The following DNM3 variants were observed in gnomAD, a reference collection of about 807,000 sequenced individuals.
DNM3 encodes the protein dynamin 3.
DNM3 carries 47 observed loss-of-function variants against 101.6 expected under a neutral mutation model. That is an observed-to-expected ratio of 0.46 (90% CI 0.37 to 0.59). The LOEUF is 0.59. Ranked by LOEUF, DNM3 falls within the 20% of genes least tolerant of loss-of-function variation. The pLI, the probability that DNM3 is intolerant of heterozygous loss-of-function variation, is 0.00. For synonymous variants in DNM3, 385 were observed against 387.9 expected (o/e 0.99, Z 0.09); for missense variants, 849 against 1,085.7 (o/e 0.78, Z 3.06).
At chr1:171,967,059 A>G (rs920824710) in intron 2 of DNM3, among the ~76,000 whole-genome samples, 1 of 151,864 alleles carries the variant, frequency 6.6e-6, no homozygotes. Flanking sequence ...TGAGCCCTGA[A>G]CCCTAGACCT....
At chr1:172,295,872 A>G (rs2586407) in intron 15 of DNM3, among the ~76,000 whole-genome samples, 42,701 of 152,050 alleles carry the variant, frequency 0.28, 6,104 homozygotes, top group East Asian at 0.31. Context: ...AAATGTAAAA[A>G]TAAAAGAAGA....
At chr1:172,093,779 G>A in intron 13 of DNM3, 1 of 1,560,492 alleles carries the variant, frequency 6.4e-7, no homozygotes, top group Non-Finnish European at 8.7e-7. Context: ...AGCTTCCCAA[G>A]GGCACAGTTT....
chr1:171,950,698 A>G (rs2042464400), intron 2 of DNM3, among the ~76,000 whole-genome samples: 2 of 152,186 alleles, frequency 1.3e-5, no homozygotes, highest in South Asian at 4.1e-4. Flanking sequence ...GTGAGGAAGA[A>G]GGAATTACCA....
intron 1 of DNM3, among the ~76,000 whole-genome samples, chr1:171,847,115 T>C (rs1333351753): frequency 6.6e-6 from 1 of 152,130 alleles, no homozygotes; most frequent in East Asian, 1.9e-4. Flanking sequence ...TGGGTAAGAA[T>C]ATACAAGAAA....
chr1:172,415,532 T>TG (rs754612515), downstream of DNM3, among the ~76,000 whole-genome samples: 1 of 110,826 alleles, frequency 9.0e-6, no homozygotes, highest in Admixed American at 9.3e-5. Context: ...GAGTTTTTTT[T>TG]TTTTTTTTTT....
At chr1:172,264,848 A>G (rs1385320709) in intron 15 of DNM3, among the ~76,000 whole-genome samples, 1 of 152,208 alleles carries the variant, frequency 6.6e-6, no homozygotes, top group Non-Finnish European at 1.5e-5. Context: ...CCAGAACTAC[A>G]ACCCAGGTCT....
intron 14 of DNM3, among the ~76,000 whole-genome samples, chr1:172,146,103 C>G (rs1361433118): frequency 1.3e-5 from 2 of 152,150 alleles, no homozygotes; most frequent in African/African-American, 4.8e-5. Context: ...TTTGACCAAC[C>G]AGACTAAGAA....
intron 15 of DNM3, among the ~76,000 whole-genome samples, chr1:172,280,349 G>C (rs2063443671): frequency 6.6e-6 from 1 of 151,978 alleles, no homozygotes; most frequent in South Asian, 2.1e-4. Flanking sequence ...CTCCATTTTA[G>C]TATAAGTTCA....
intron 2 of DNM3, among the ~76,000 whole-genome samples, chr1:171,957,687 G>A (rs1296247240): frequency 1.3e-5 from 2 of 152,106 alleles, no homozygotes; most frequent in Non-Finnish European, 2.9e-5. Flanking sequence ...AGATCTGTAG[G>A]ACAGGGACAA....
rs76206134 is a variant in DNM3 at position 171,960,147 on chromosome 1, A to G, written c.236-27509A>G. ...TAAAATGAGAAAAATTTGGACACAGACACACTGAGAGAACACAATGTGATA... is the reference window on the plus strand; with the variant it reads ...TAAAATGAGAAAAATTTGGACACAGGCACACTGAGAGAACACAATGTGATA... On this transcript the variant is annotated intron_variant, in intron 2 of 20. Transcript: ENST00000627582. Among the ~76,000 whole-genome samples, 1,436 of 152,256 alleles carry G rather than the reference A, an allele frequency of 9.4e-3. 21 individuals carry two copies. The highest frequency in any genetic ancestry group is 0.032 in the African/African-American group (1,337 of 41,546).
At chr1:172,336,042 T>C (rs915914276) in intron 17 of DNM3, among the ~76,000 whole-genome samples, 1 of 152,118 alleles carries the variant, frequency 6.6e-6, no homozygotes, top group African/African-American at 2.4e-5. Flanking sequence ...AATTTAGCAA[T>C]GTCTAAAGAC....
intron 15 of DNM3, among the ~76,000 whole-genome samples, chr1:172,259,821 CT>C (rs2062567848): frequency 6.6e-6 from 1 of 151,586 alleles, no homozygotes; most frequent in African/African-American, 2.4e-5. Flanking sequence ...TTTTTCCTTT[CT>C]TTTTCTCTCA....
intron 14 of DNM3, among the ~76,000 whole-genome samples, chr1:172,142,736 T>TA (rs201730089): frequency 0.01 from 1,149 of 114,740 alleles, 13 homozygotes; most frequent in South Asian, 0.05. Context: ...ATTTCTAGAG[T>TA]AAAAAAAAAA....
At chr1:171,944,061 A>G (rs2041990028) in intron 2 of DNM3, among the ~76,000 whole-genome samples, 1 of 152,202 alleles carries the variant, frequency 6.6e-6, no homozygotes, top group Non-Finnish European at 1.5e-5. Flanking sequence ...TGCAGGACAT[A>G]GTGTCTCTGT....
intron 1 of DNM3, among the ~76,000 whole-genome samples, chr1:171,852,641 A>G (rs562021749): frequency 1.1e-4 from 17 of 152,198 alleles, no homozygotes; most frequent in Non-Finnish European, 2.1e-4. Context: ...AAAGGATTAG[A>G]CTGACTCAGT....
rs2149131287 is a variant in DNM3 at position 172,408,316 on chromosome 1, AGCTCCTCT to A, written c.*476_*483del. 1.0e-6 allele frequency: 1 copy of A among 986,530 alleles called. No homozygotes were observed. The highest frequency in any genetic ancestry group is 4.7e-5 in the South Asian group (1 of 21,368). The allele number at this position is 986,530 out of a possible 1,614,324, so 61.1% of individuals were successfully genotyped here. On this transcript the variant is annotated 3_prime_UTR_variant, in exon 21 of 21. Coordinates refer to ENST00000627582, the MANE Select transcript of DNM3 (RefSeq NM_015569.5). ...CTACCTACTCCATAATTGCCTATTT[AGCTCCTCT>A]TTTCTTCCTTTTTATTTCATAAGAC...
chr1:172,023,010 ATC>A (rs995738680), intron 4 of DNM3, among the ~76,000 whole-genome samples: 4 of 152,106 alleles, frequency 2.6e-5, no homozygotes, highest in African/African-American at 9.7e-5. Context: ...GTTGATAATT[ATC>A]TCTGTTTGGT....
chr1:171,876,293 A>G (rs947560238), intron 1 of DNM3, among the ~76,000 whole-genome samples: 2 of 152,182 alleles, frequency 1.3e-5, no homozygotes, highest in Admixed American at 1.3e-4. Flanking sequence ...TTATACTACT[A>G]GGCCTACTTT....
At chr1:171,883,388 CA>C (rs1172950809) in intron 1 of DNM3, among the ~76,000 whole-genome samples, 3 of 117,430 alleles carry the variant, frequency 2.6e-5, no homozygotes, top group African/African-American at 9.6e-5. Flanking sequence ...CACACACACA[CA>C]CACACACACA....
Sources: gnomAD v4.1 joint callset for allele counts (sites outside exome capture counted in the v4.1 genomes callset) on GRCh38, gnomAD v4.1.1 for gene constraint, MANE v1.5 for transcripts, NCBI Gene and HGNC (gene_info 2026-07-23, HGNC 2026-07-21) for gene names.